Variants in WDPCP observed in about 807,000 individuals in gnomAD.
The protein encoded by WDPCP is WD repeat-containing and planar cell polarity effector protein fritz homolog.
A neutral mutation model predicts 93.1 loss-of-function variants in WDPCP; 71 were observed. The ratio of observed to expected loss-of-function variants is 0.76; its 90% CI spans 0.63 to 0.93. WDPCP has a LOEUF of 0.93. WDPCP is among the 40% of genes least tolerant of loss of function. The probability of loss-of-function intolerance (pLI) is 0.00; values close to 1 mark genes in which losing one functional copy is unlikely to be tolerated. For synonymous variants in WDPCP, 315 were observed against 315.0 expected (o/e 1.00, Z 0.00); for missense variants, 844 against 887.4 (o/e 0.95, Z 0.62).
intron 1 of WDPCP, among the ~76,000 whole-genome samples, chr2:63,583,557 T>C (rs1420969453): frequency 7.9e-5 from 12 of 152,016 alleles, no homozygotes; most frequent in Non-Finnish European, 1.3e-4. Flanking sequence ...GGCACGTGCC[T>C]GTAGTCCCAG....
At chr2:63,633,988 G>C (rs1468991372) in intron 3 of WDPCP, among the ~76,000 whole-genome samples, 2 of 152,118 alleles carry the variant, frequency 1.3e-5, no homozygotes, top group Admixed American at 1.3e-4. Flanking sequence ...CTTGAACCTG[G>C]GAGGTGGAGG....
At chr2:63,308,535 C>T (rs1480424457) in intron 13 of WDPCP, among the ~76,000 whole-genome samples, 5 of 152,142 alleles carry the variant, frequency 3.3e-5, no homozygotes, top group Non-Finnish European at 7.3e-5. Flanking sequence ...AAATGTGGCA[C>T]ATATACACCA....
chr2:63,212,546 G>GA (rs1676917726), intron 14 of WDPCP, among the ~76,000 whole-genome samples: 1 of 152,162 alleles, frequency 6.6e-6, no homozygotes, highest in African/African-American at 2.4e-5. Flanking sequence ...ATGCTAGGAA[G>GA]AAACTGCATC....
At chr2:63,692,049 A>G (rs574586976) in intron 2 of WDPCP, among the ~76,000 whole-genome samples, 2 of 152,282 alleles carry the variant, frequency 1.3e-5, no homozygotes, top group South Asian at 4.1e-4. Context: ...GTTACTCTCA[A>G]TAATTATTCC....
intron 1 of WDPCP, among the ~76,000 whole-genome samples, chr2:63,555,108 C>T (rs1485090648): frequency 6.6e-6 from 1 of 152,222 alleles, no homozygotes; most frequent in African/African-American, 2.4e-5. Context: ...GGGAGAGGGG[C>T]GGCAGCCATC....
chr2:63,606,161 T>A, intron 3 of WDPCP: 1 of 837,234 alleles, frequency 1.2e-6, no homozygotes, highest in South Asian at 1.5e-5. Context: ...GTGGCAAGAT[T>A]GCTTGAGCCC....
intron 10 of WDPCP, among the ~76,000 whole-genome samples, chr2:63,391,641 C>T (rs1015567115): frequency 6.6e-6 from 1 of 152,162 alleles, no homozygotes; most frequent in Non-Finnish European, 1.5e-5. Flanking sequence ...TAGAAAACCC[C>T]ATCATCTCAG....
intron 1 of WDPCP, among the ~76,000 whole-genome samples, chr2:63,584,381 A>T (rs1377147465): frequency 6.6e-6 from 1 of 152,132 alleles, no homozygotes; most frequent in Non-Finnish European, 1.5e-5. Context: ...TTTTTATAAA[A>T]ATTAAATCAT....
At chr2:63,144,499 C>T (rs530002798) in intron 17 of WDPCP, among the ~76,000 whole-genome samples, 11 of 152,146 alleles carry the variant, frequency 7.2e-5, no homozygotes, top group Non-Finnish European at 1.3e-4. Flanking sequence ...TGTGATCTGC[C>T]CGCCTCACCC....
intron 14 of WDPCP, among the ~76,000 whole-genome samples, chr2:63,242,900 T>C (rs1486686536): frequency 1.3e-5 from 2 of 152,250 alleles, no homozygotes; most frequent in East Asian, 1.9e-4. Flanking sequence ...TCTTCAATGA[T>C]GTAGATGAAG....
chr2:63,712,817 C>G (rs79278265), intron 2 of WDPCP, among the ~76,000 whole-genome samples: 2,787 of 152,306 alleles, frequency 0.018, 29 homozygotes, highest in African/African-American at 0.02. Context: ...CATCTGCCTA[C>G]ACCCAAGTTG....
At chr2:63,316,324 A>C (rs193103892) in intron 12 of WDPCP, among the ~76,000 whole-genome samples, 4 of 152,274 alleles carry the variant, frequency 2.6e-5, no homozygotes. Flanking sequence ...ATAAAAAGGA[A>C]ATTTAAAATA....
chr2:63,267,760 A>G (rs1441052790), intron 13 of WDPCP, among the ~76,000 whole-genome samples: 3 of 152,140 alleles, frequency 2.0e-5, no homozygotes, highest in Non-Finnish European at 4.4e-5. Flanking sequence ...CACAAATTAA[A>G]ACCACAACGA....
intron 10 of WDPCP, among the ~76,000 whole-genome samples, chr2:63,388,236 G>A (rs996769852): frequency 4.6e-5 from 7 of 152,012 alleles, no homozygotes; most frequent in African/African-American, 1.7e-4. Context: ...ACTGAGCCTC[G>A]ACTGGTGATA....
chr2:63,759,154 G>A (rs1001634615), intron 2 of WDPCP, among the ~76,000 whole-genome samples: 1 of 152,118 alleles, frequency 6.6e-6, no homozygotes, highest in African/African-American at 2.4e-5. Context: ...CAGGGGTGGA[G>A]TTACCATGAA....
At chr2:63,324,698 A>C (rs996490809) in intron 12 of WDPCP, among the ~76,000 whole-genome samples, 6 of 152,222 alleles carry the variant, frequency 3.9e-5, no homozygotes, top group Admixed American at 2.6e-4. Flanking sequence ...GTAAATGATA[A>C]AATGACAGCC....
intron 2 of WDPCP, among the ~76,000 whole-genome samples, chr2:63,670,990 T>G (rs1446563): frequency 0.8 from 121,987 of 152,130 alleles, 49,327 homozygotes; most frequent in East Asian, 0.98. Flanking sequence ...AAAGTATTCC[T>G]CAGAGAAGGG....
intron 6 of WDPCP, among the ~76,000 whole-genome samples, chr2:63,471,629 A>C (rs1036513660): frequency 1.3e-5 from 2 of 152,146 alleles, no homozygotes; most frequent in South Asian, 2.1e-4. Flanking sequence ...ATTATCTCTT[A>C]TTAATTATCT....
intron 14 of WDPCP, among the ~76,000 whole-genome samples, chr2:63,204,526 G>A (rs1676179460): frequency 6.6e-6 from 1 of 151,796 alleles, no homozygotes; most frequent in South Asian, 2.1e-4. Flanking sequence ...ATTTTTAGTT[G>A]AGTCGGGGTT....
Sources: gnomAD v4.1 joint callset for allele counts (sites outside exome capture counted in the v4.1 genomes callset) on GRCh38, gnomAD v4.1.1 for gene constraint, MANE v1.5 for transcripts, NCBI Gene and HGNC (gene_info 2026-07-23, HGNC 2026-07-21) for gene names.